Variants in KCNMA1 observed in about 807,000 individuals in gnomAD.
The protein encoded by KCNMA1 is Calcium-activated potassium channel subunit alpha-1.
KCNMA1 carries 29 observed loss-of-function variants against 140.0 expected under a neutral mutation model. The ratio of observed to expected loss-of-function variants is 0.21; its 90% CI spans 0.15 to 0.28. The LOEUF (loss-of-function observed/expected upper bound fraction) is 0.28, where lower values mean the gene tolerates loss of function less well. Ranked by LOEUF, KCNMA1 falls within the 10% of genes least tolerant of loss-of-function variation. KCNMA1 has a pLI of 1.00. For missense variants in KCNMA1, 880 were observed against 1,602.2 expected, an observed-to-expected ratio of 0.55 and a Z score of 7.70; for synonymous variants, 612 against 611.9, an observed-to-expected ratio of 1.00 and a Z score of 0.00.
At chr10:77,112,973 C>T (rs529072299) in intron 6 of KCNMA1, among the ~76,000 whole-genome samples, 47 of 152,224 alleles carry the variant, frequency 3.1e-4, no homozygotes, top group African/African-American at 5.8e-4. Context: ...TACCATTGCA[C>T]GCCTCAGAAA....
chr10:77,548,041 A>C (rs1440392798), intron 1 of KCNMA1, among the ~76,000 whole-genome samples: 5 of 152,132 alleles, frequency 3.3e-5, no homozygotes, highest in Non-Finnish European at 7.4e-5. Context: ...ATTTAGAAAA[A>C]CTTTCAGATG....
chr10:77,175,070 A>G (rs2098740868), intron 5 of KCNMA1, among the ~76,000 whole-genome samples: 1 of 152,162 alleles, frequency 6.6e-6, no homozygotes, highest in South Asian at 2.1e-4. Flanking sequence ...AGTGCTTGTT[A>G]AAACACAGAC....
chr10:77,028,378 A>C (rs1464484731), intron 15 of KCNMA1, among the ~76,000 whole-genome samples: 1 of 152,106 alleles, frequency 6.6e-6, no homozygotes, highest in African/African-American at 2.4e-5. Flanking sequence ...AGTGCCCAGC[A>C]CATGACGATG....
At chr10:77,139,099 T>C (rs1596906195) in intron 5 of KCNMA1, among the ~76,000 whole-genome samples, 2 of 152,352 alleles carry the variant, frequency 1.3e-5, no homozygotes, top group Admixed American at 6.5e-5. Context: ...GACTGGTACA[T>C]AGTGAGTACT....
intron 14 of KCNMA1, chr10:77,071,228 A>G (rs1298933199): frequency 6.6e-6 from 1 of 152,262 alleles, no homozygotes; most frequent in Non-Finnish European, 1.5e-5. Flanking sequence ...CTGAAGAATC[A>G]GCATCACATC....
At chr10:77,343,845 G>T (rs759100517) in intron 2 of KCNMA1, among the ~76,000 whole-genome samples, 13 of 152,172 alleles carry the variant, frequency 8.5e-5, no homozygotes, top group Non-Finnish European at 1.3e-4. Flanking sequence ...TGTGTTAAGA[G>T]GTTTTCAATC....
chr10:77,579,860 T>C (rs1725804381), intron 1 of KCNMA1, among the ~76,000 whole-genome samples: 1 of 152,134 alleles, frequency 6.6e-6, no homozygotes, highest in Admixed American at 6.5e-5. Flanking sequence ...TCTGACCCAT[T>C]GGGGCAGTGA....
chr10:77,266,676 T>A (rs1164759626), intron 2 of KCNMA1, among the ~76,000 whole-genome samples: 2 of 152,174 alleles, frequency 1.3e-5, no homozygotes, highest in Non-Finnish European at 2.9e-5. Context: ...CTGAATCTGC[T>A]ACTTCACCCA....
At chr10:77,440,639 A>G (rs1193218589) in intron 1 of KCNMA1, among the ~76,000 whole-genome samples, 3 of 152,214 alleles carry the variant, frequency 2.0e-5, no homozygotes, top group Non-Finnish European at 4.4e-5. Context: ...GAAAGTGTTC[A>G]GACAAAATTG....
intron 9 of KCNMA1, among the ~76,000 whole-genome samples, chr10:77,096,810 T>C (rs1162457693): frequency 6.6e-6 from 1 of 152,186 alleles, no homozygotes; most frequent in Non-Finnish European, 1.5e-5. Context: ...AATATTTATA[T>C]CAAATACATA....
At position 77,310,939 on chromosome 10, in the gene KCNMA1, A is replaced by T. The variant is rs72807520; in HGVS notation, c.541-59683T>A. The stretch of plus-strand genomic sequence containing the variant: ...ACTTAAATATGTCTGAAGGCAAAAC[A>T]AGTTCCCTCTTTTTCCTCTTTTCCT... On this transcript the variant is annotated intron_variant, in intron 2 of 27. Transcript: ENST00000286628. Among the ~76,000 whole-genome samples, 781 of 152,240 alleles carry T rather than the reference A, an allele frequency of 5.1e-3. 2 individuals carry two copies. The highest frequency in any genetic ancestry group is 9.5e-3 in the Non-Finnish European group (647 of 68,028).
At chr10:77,424,484 G>A (rs1407858281) in intron 1 of KCNMA1, among the ~76,000 whole-genome samples, 2 of 150,272 alleles carry the variant, frequency 1.3e-5, no homozygotes, top group African/African-American at 5.0e-5. Flanking sequence ...GTGGAAGCCT[G>A]GGGCTAGGAA....
chr10:77,095,857 GA>G (rs1287638239), intron 9 of KCNMA1, among the ~76,000 whole-genome samples: 1 of 152,170 alleles, frequency 6.6e-6, no homozygotes, highest in Admixed American at 6.5e-5. Flanking sequence ...ACTTAAGGCA[GA>G]AGGCAGAAGA....
At chr10:77,495,609 C>T (rs1024898783) in intron 1 of KCNMA1, among the ~76,000 whole-genome samples, 5 of 152,244 alleles carry the variant, frequency 3.3e-5, no homozygotes, top group Admixed American at 3.3e-4. Context: ...CATCTACTCC[C>T]AACACATTCC....
chr10:77,255,828 T>A (rs1266042062), intron 2 of KCNMA1, among the ~76,000 whole-genome samples: 1 of 147,682 alleles, frequency 6.8e-6, no homozygotes, highest in Non-Finnish European at 1.5e-5. Flanking sequence ...CAGAAGAATC[T>A]CTTGAACTTG....
intron 23 of KCNMA1, among the ~76,000 whole-genome samples, chr10:76,922,738 G>A (rs1452564748): frequency 6.6e-6 from 1 of 152,200 alleles, no homozygotes; most frequent in Non-Finnish European, 1.5e-5. Flanking sequence ...GCACACAAAT[G>A]TGCCTAAAAC....
intron 1 of KCNMA1, among the ~76,000 whole-genome samples, chr10:77,512,183 T>C (rs1000566595): frequency 6.6e-6 from 1 of 152,240 alleles, no homozygotes; most frequent in Non-Finnish European, 1.5e-5. Context: ...TTAAATTCTC[T>C]GGACGTGAAG....
chr10:77,527,066 C>T (rs1412061396), intron 1 of KCNMA1, among the ~76,000 whole-genome samples: 2 of 152,234 alleles, frequency 1.3e-5, no homozygotes, highest in Admixed American at 6.5e-5. Flanking sequence ...TCTGGGAGCT[C>T]GTCATGTCCC....
At chr10:77,491,710 G>A (rs959593303) in intron 1 of KCNMA1, among the ~76,000 whole-genome samples, 47 of 97,612 alleles carry the variant, frequency 4.8e-4, no homozygotes, top group Admixed American at 2.3e-4. Context: ...GGGTTTAGAA[G>A]TCATACACAC....
Sources: allele counts gnomAD v4.1 joint callset (sites outside exome capture counted in the v4.1 genomes callset), GRCh38; gene constraint gnomAD v4.1.1; transcripts MANE v1.5; gene names NCBI Gene and HGNC (gene_info 2026-07-23, HGNC 2026-07-21).